The following DNAH12 variants were observed in gnomAD, a reference collection of about 807,000 sequenced individuals.
DNAH12 encodes dynein axonemal heavy chain 12, also known as axonemal beta dynein heavy chain 12.
In DNAH12, 285 loss-of-function variants were observed where a neutral mutation model predicts 371.5. The ratio of observed to expected loss-of-function variants is 0.77; its 90% CI spans 0.70 to 0.85. The LOEUF (loss-of-function observed/expected upper bound fraction) is 0.85, where lower values mean the gene tolerates loss of function less well. Ranked by LOEUF, DNAH12 falls within the 40% of genes least tolerant of loss-of-function variation. The pLI, the probability that DNAH12 is intolerant of heterozygous loss-of-function variation, is 0.00. For missense variants in DNAH12, 3,611 were observed against 3,689.4 expected, an observed-to-expected ratio of 0.98 and a Z score of 0.55; for synonymous variants, 1,200 against 1,213.0, an observed-to-expected ratio of 0.99 and a Z score of 0.22.
intron 17 of DNAH12, among the ~76,000 whole-genome samples, chr3:57,465,915 CA>C (rs1376049865): frequency 3.9e-5 from 6 of 151,928 alleles, no homozygotes. Flanking sequence ...AGTAGAGTAG[CA>C]AAAACCTAAA....
intron 29 of DNAH12, 60 bp downstream of exon 29, chr3:57,444,637 C>A: frequency 1.3e-6 from 2 of 1,532,978 alleles, no homozygotes; most frequent in Non-Finnish European, 1.8e-6. Flanking sequence ...TCTTGGTAAA[C>A]AATTGAGTCA....
In DNAH12 at chr3:57,323,615, G is replaced by T; in HGVS notation, c.9983C>A (p.Thr3328Asn). The change falls in exon 63 of 74, where the codon ACC becomes AAC. Residue 3328 changes from threonine (T) to asparagine (N), a missense_variant. Around this residue, in one of 3 missense-constraint regions of DNAH12, gnomAD observed 2,266 missense variants for 2,236.9 expected, o/e 1.01. Coordinates refer to ENST00000495027, the MANE Select transcript of DNAH12 (RefSeq NM_001366028.2). ...ILRCLRPDKITPAITNYVTDK... is the reference protein window; with the variant it reads ...ILRCLRPDKINPAITNYVTDK... ...AGTTACATAGTTTGTTATAGCTGGG[G>T]TTATCTGTTGAAGAGAAAAGATATG... 2 of 1,538,530 alleles carry T rather than the reference G, an allele frequency of 1.3e-6. No individual in the cohort carries two copies. Among genetic ancestry groups the T allele is most frequent in the Non-Finnish European group, 1.7e-6 (2 of 1,143,122 alleles).
Position 57,352,087 on chromosome 3 carries a change from A to C in DNAH12, c.9672T>G (p.Leu3224=), listed in dbSNP as rs1211498973. The change falls in exon 60 of 74, where the codon CTT becomes CTG. Residue 3224 remains leucine, a splice_region_variant and synonymous_variant. Coordinates refer to ENST00000495027, the MANE Select transcript of DNAH12 (RefSeq NM_001366028.2). ...TATGGTAAAAGCAAGTAACTTACAG[A>C]AGAAGATTGGCACATAATAAAAAGG... is the stretch of plus-strand genomic sequence containing the variant. ...LFSFLLCANL[L]LARKEIEYQE... 2.0e-6 allele frequency: 3 copies of C among 1,506,470 alleles called. No homozygotes were observed. Among genetic ancestry groups the C allele is most frequent in the Non-Finnish European group, 2.6e-6 (3 of 1,134,656 alleles). The allele number at this position is 1,506,470 out of a possible 1,614,324, so 93.3% of individuals were successfully genotyped here. A position where few individuals can be genotyped will look rare whatever the true frequency, so the allele number is the denominator to read the frequency against.
At chr3:57,528,002 G>A (rs546582861) in intron 2 of DNAH12, among the ~76,000 whole-genome samples, 73 of 141,712 alleles carry the variant, frequency 5.2e-4, no homozygotes, top group African/African-American at 1.9e-3. Flanking sequence ...TAGTAGTTTC[G>A]TAGTCTTAGA....
intron 13 of DNAH12, among the ~76,000 whole-genome samples, chr3:57,480,749 G>A (rs1199032806): frequency 1.3e-5 from 2 of 152,174 alleles, no homozygotes; most frequent in African/African-American, 2.4e-5. Context: ...TCCCTAGGAT[G>A]CAAGGCTGGT....
At chr3:57,365,206 C>T (rs2063022601) in intron 57 of DNAH12, among the ~76,000 whole-genome samples, 2 of 152,164 alleles carry the variant, frequency 1.3e-5, no homozygotes, top group African/African-American at 4.8e-5. Context: ...ATGGAATCAA[C>T]CTAAGTGTCC....
intron 70 of DNAH12, among the ~76,000 whole-genome samples, chr3:57,301,454 G>A (rs2107653346): frequency 6.6e-6 from 1 of 151,882 alleles, no homozygotes; most frequent in East Asian, 1.9e-4. Context: ...TATTACATTG[G>A]TTTGGCTGAA....
intron 2 of DNAH12, among the ~76,000 whole-genome samples, chr3:57,527,016 T>C (rs2068672373): frequency 6.6e-6 from 1 of 152,096 alleles, no homozygotes; most frequent in African/African-American, 2.4e-5. Context: ...TGTATTTTTA[T>C]CAGAGACAGG....
chr3:57,297,750 G>T (rs2061263058), intron 70 of DNAH12, among the ~76,000 whole-genome samples: 1 of 152,090 alleles, frequency 6.6e-6, no homozygotes, highest in Admixed American at 6.6e-5. Flanking sequence ...ACCAGTGCAT[G>T]TTGTCTTCTT....
At chr3:57,405,589 T>C in intron 41 of DNAH12, 64 bp downstream of exon 41, 2 of 1,435,240 alleles carry the variant, frequency 1.4e-6, no homozygotes, top group Non-Finnish European at 9.3e-7. Context: ...AAAATATAAC[T>C]TAATTGTAAC....
intron 11 of DNAH12, among the ~76,000 whole-genome samples, chr3:57,495,929 A>ATATTTTATAC (rs2067300147): frequency 6.9e-6 from 1 of 144,986 alleles, no homozygotes; most frequent in Non-Finnish European, 1.5e-5. Flanking sequence ...ATATTTATAT[A>ATATTTTATAC]TATTTTATAC....
chr3:57,335,659 T>TA lies in DNAH12; in HGVS notation c.9675-720dup, dbSNP rs1326092511. 4.6e-5 allele frequency among the ~76,000 whole-genome samples: 7 copies of TA among 152,106 alleles called. 1 individual carries two copies. Among genetic ancestry groups the TA allele is most frequent in the African/African-American group, 1.7e-4 (7 of 41,418 alleles). ...TGTATCTAAACGTAGAAAAGAACAGTAAAAATATGGTATTATAATCTTATG... is the reference window on the plus strand; with the variant it reads ...TGTATCTAAACGTAGAAAAGAACAGTAAAAAATATGGTATTATAATCTTATG... On this transcript the variant is annotated intron_variant, in intron 60 of 73. Coordinates refer to ENST00000495027, the MANE Select transcript of DNAH12 (RefSeq NM_001366028.2).
At chr3:57,494,406 T>A (rs1043380125) in intron 11 of DNAH12, among the ~76,000 whole-genome samples, 3 of 150,728 alleles carry the variant, frequency 2.0e-5, no homozygotes, top group Admixed American at 6.6e-5. Flanking sequence ...TAAAAAAAAA[T>A]AAAAATTTAG....
the DNAH12 span, among the ~76,000 whole-genome samples, chr3:57,555,249 T>TA: frequency 6.6e-6 from 1 of 151,614 alleles, no homozygotes; most frequent in Non-Finnish European, 1.5e-5. Context: ...ACCTAAAAAA[T>TA]AAAAAAATAA....
intron 2 of DNAH12, among the ~76,000 whole-genome samples, chr3:57,542,063 G>C (rs1460495890): frequency 6.9e-6 from 1 of 145,344 alleles, no homozygotes; most frequent in East Asian, 2.1e-4. Flanking sequence ...CGGCTGTCTA[G>C]GAAATTCTCA....
chr3:57,382,788 G>A (rs1001603582), intron 49 of DNAH12, among the ~76,000 whole-genome samples: 1 of 152,122 alleles, frequency 6.6e-6, no homozygotes, highest in Non-Finnish European at 1.5e-5. Context: ...TGAAGAAGAT[G>A]AAAGAAGAGG....
chr3:57,525,424 A>G (rs1471770859), intron 2 of DNAH12, among the ~76,000 whole-genome samples: 1 of 152,152 alleles, frequency 6.6e-6, no homozygotes, highest in Non-Finnish European at 1.5e-5. Context: ...ATCAAGCTGT[A>G]CCCATGGTAC....
At chr3:57,555,441 G>C in the DNAH12 span, among the ~76,000 whole-genome samples, 1 of 152,100 alleles carries the variant, frequency 6.6e-6, no homozygotes, top group Non-Finnish European at 1.5e-5. Context: ...GAGAGGGTTA[G>C]GCGGGAGGAT....
At chr3:57,433,874 TTAAA>T (rs1202295670) in intron 30 of DNAH12, 46 bp from the exon 31 acceptor site, 3 of 1,400,606 alleles carry the variant, frequency 2.1e-6, no homozygotes, top group African/African-American at 2.9e-5. Context: ...CTTTAAAGAG[TTAAA>T]TAATTTATAT....
Sources: allele counts gnomAD v4.1 joint callset (sites outside exome capture counted in the v4.1 genomes callset), GRCh38; gene constraint gnomAD v4.1.1; regional missense constraint gnomAD v4.1.1; transcripts MANE v1.5; gene names NCBI Gene and HGNC (gene_info 2026-07-23, HGNC 2026-07-21).